PCDH15: variants seen among roughly 807,000 people sequenced by gnomAD.
PCDH15 encodes the protein protocadherin related 15.
Under a neutral mutation model 178.5 loss-of-function variants are expected in PCDH15, and 129 were observed. The observed-to-expected ratio is 0.72, with a 90% CI of 0.63 to 0.84. The LOEUF is 0.84. Ranked by LOEUF, PCDH15 falls within the 40% of genes least tolerant of loss-of-function variation. The pLI is 0.00. For synonymous variants in PCDH15, 800 were observed against 732.0 expected, an observed-to-expected ratio of 1.09 and a Z score of -1.50; for missense variants, 2,230 against 2,099.9, an observed-to-expected ratio of 1.06 and a Z score of -1.21.
At chr10:54,865,541 C>G (rs2131786465) in intron 3 of PCDH15, among the ~76,000 whole-genome samples, 1 of 152,202 alleles carries the variant, frequency 6.6e-6, no homozygotes, top group African/African-American at 2.4e-5. Flanking sequence ...AATAAACTCC[C>G]TCACTATCAG....
intron 3 of PCDH15, among the ~76,000 whole-genome samples, chr10:54,495,928 T>C (rs1589713434): frequency 6.6e-6 from 1 of 152,278 alleles, no homozygotes; most frequent in East Asian, 1.9e-4. Flanking sequence ...CCTCTATTAC[T>C]TTAAAATCAT....
At chr10:54,738,053 C>T (rs1944343866) in intron 1 of PCDH15, among the ~76,000 whole-genome samples, 1 of 151,972 alleles carries the variant, frequency 6.6e-6, no homozygotes, top group Admixed American at 6.6e-5. Flanking sequence ...GTGAACTTCA[C>T]ATGTTCTGGA....
At chr10:54,302,310 G>A (rs2060193340) in intron 8 of PCDH15, among the ~76,000 whole-genome samples, 1 of 152,156 alleles carries the variant, frequency 6.6e-6, no homozygotes, top group African/African-American at 2.4e-5. Context: ...GGAAAAGGTA[G>A]TATAGGTAAA....
At chr10:54,909,525 G>A (rs1954783620) in intron 2 of PCDH15, among the ~76,000 whole-genome samples, 1 of 152,138 alleles carries the variant, frequency 6.6e-6, no homozygotes, top group Non-Finnish European at 1.5e-5. Flanking sequence ...CCCTGATTGA[G>A]CAGGCCCAAC....
intron 2 of PCDH15, among the ~76,000 whole-genome samples, chr10:55,610,966 A>T (rs556385394): frequency 6.6e-6 from 1 of 152,266 alleles, no homozygotes; most frequent in Admixed American, 6.5e-5. Context: ...ATTCTTTAAT[A>T]AAAAAGTACA....
chr10:54,116,237 CA>C (rs58948747), intron 15 of PCDH15, among the ~76,000 whole-genome samples: 36,596 of 124,394 alleles, frequency 0.29, 4,207 homozygotes, highest in Middle Eastern at 0.38. Flanking sequence ...ACTGAAAATG[CA>C]AAAAAAAAAA....
At position 55,218,888 on chromosome 10, in the gene PCDH15, TG is replaced by T. The variant is rs1840787459; in HGVS notation, c.-155-52238del. Among the ~76,000 whole-genome samples the T allele has an allele frequency of 1.3e-5, 2 of 152,052 alleles. 1 individual carries two copies. The highest frequency in any genetic ancestry group is 4.8e-5 in the African/African-American group (2 of 41,380). ...CAATTATAAGAATTCTTCCACTTTT[TG>T]TGTAAATCATTTTGTATTTTTCATA... On this transcript the variant is annotated intron_variant, in intron 1 of 5. Coordinates refer to the PCDH15 transcript ENST00000458638.
At chr10:54,807,359 T>A (rs1952795591) in intron 3 of PCDH15, among the ~76,000 whole-genome samples, 2 of 152,146 alleles carry the variant, frequency 1.3e-5, no homozygotes. Flanking sequence ...TTAGTTGACA[T>A]ATTTGGAACT....
At chr10:54,227,043 T>A (rs975089725) in intron 9 of PCDH15, among the ~76,000 whole-genome samples, 34 of 152,284 alleles carry the variant, frequency 2.2e-4, no homozygotes, top group African/African-American at 7.7e-4. Flanking sequence ...CTGTAGTTTT[T>A]CCAGAGGTAC....
At chr10:54,353,294 G>A (rs1269213250) in intron 5 of PCDH15, among the ~76,000 whole-genome samples, 5 of 152,026 alleles carry the variant, frequency 3.3e-5, no homozygotes, top group Non-Finnish European at 7.4e-5. Flanking sequence ...TTCAAATACA[G>A]TGCAAGTTAT....
At chr10:55,385,714 T>TA (rs1837639818) in intron 2 of PCDH15, among the ~76,000 whole-genome samples, 1 of 146,246 alleles carries the variant, frequency 6.8e-6, no homozygotes, top group Admixed American at 6.9e-5. Context: ...TATATATATA[T>TA]ATATGCATAT....
intron 2 of PCDH15, among the ~76,000 whole-genome samples, chr10:55,031,761 A>G (rs559695045): frequency 1.7e-4 from 26 of 152,320 alleles, no homozygotes; most frequent in Middle Eastern, 3.4e-3. Flanking sequence ...GTGAGGATAC[A>G]GTGTTCCTCC....
At chr10:55,308,425 T>C (rs911381589) in intron 1 of PCDH15, among the ~76,000 whole-genome samples, 1 of 152,158 alleles carries the variant, frequency 6.6e-6, no homozygotes, top group East Asian at 1.9e-4. Flanking sequence ...AAAGGAATAA[T>C]GCATCAGCTG....
At chr10:54,732,356 C>T (rs998081656) in intron 1 of PCDH15, among the ~76,000 whole-genome samples, 8 of 151,126 alleles carry the variant, frequency 5.3e-5, no homozygotes, top group South Asian at 2.1e-4. Context: ...TTATGAAAGA[C>T]GGGACATCAC....
chr10:54,062,258 A>AAAAAAC (rs1565159236), intron 18 of PCDH15, among the ~76,000 whole-genome samples: 1 of 106,638 alleles, frequency 9.4e-6, no homozygotes, highest in Non-Finnish European at 2.0e-5. Flanking sequence ...AAAAACAAAA[A>AAAAAAC]ACAACTAAAT....
intron 1 of PCDH15, among the ~76,000 whole-genome samples, chr10:55,318,609 A>G (rs1843793770): frequency 6.6e-6 from 1 of 152,178 alleles, no homozygotes; most frequent in South Asian, 2.1e-4. Context: ...ATATGAAAAG[A>G]GGCATGGCAA....
intron 8 of PCDH15, among the ~76,000 whole-genome samples, chr10:54,315,142 T>C (rs935387637): frequency 6.6e-6 from 1 of 152,126 alleles, no homozygotes; most frequent in African/African-American, 2.4e-5. Flanking sequence ...AACTAATTTA[T>C]ACTCCCACCA....
At chr10:54,111,952 C>T (rs1003900245) in intron 15 of PCDH15, among the ~76,000 whole-genome samples, 2 of 146,620 alleles carry the variant, frequency 1.4e-5, no homozygotes, top group African/African-American at 5.1e-5. Flanking sequence ...CATAGTGAAA[C>T]CCCATCTCTA....
At chr10:53,905,124 A>C in intron 25 of PCDH15, 2 of 514,992 alleles carry the variant, frequency 3.9e-6, no homozygotes, top group South Asian at 2.8e-5. Context: ...TCACCTAATA[A>C]ATATATCTTG....
Sources: allele counts gnomAD v4.1 joint callset (sites outside exome capture counted in the v4.1 genomes callset), GRCh38; gene constraint gnomAD v4.1.1; transcripts MANE v1.5; gene names NCBI Gene and HGNC (gene_info 2026-07-23, HGNC 2026-07-21).